The following FAM78B variants were observed in gnomAD, a reference collection of about 807,000 sequenced individuals.
The protein encoded by FAM78B is family with sequence similarity 78 member B.
FAM78B carries 10 observed loss-of-function variants against 20.0 expected under a neutral mutation model. That is an observed-to-expected ratio of 0.50 (90% CI 0.31 to 0.85). The LOEUF (loss-of-function observed/expected upper bound fraction) is 0.85, where lower values mean the gene tolerates loss of function less well. Among genes scored for constraint, FAM78B ranks in the 40% least tolerant of loss-of-function variants. The pLI, the probability that FAM78B is intolerant of heterozygous loss-of-function variation, is 0.05. For synonymous variants in FAM78B, 135 were observed against 132.8 expected (o/e 1.02, Z -0.12); for missense variants, 283 against 345.0 (o/e 0.82, Z 1.42).
At chr1:166,157,262 C>T (rs528915253) in intron 1 of FAM78B, among the ~76,000 whole-genome samples, 2 of 152,092 alleles carry the variant, frequency 1.3e-5, no homozygotes, top group South Asian at 4.2e-4. Flanking sequence ...AAGGCTGATC[C>T]ACAGTCATCC....
chr1:166,149,137 T>C (rs1005867994), intron 1 of FAM78B, among the ~76,000 whole-genome samples: 3 of 152,196 alleles, frequency 2.0e-5, no homozygotes, highest in Non-Finnish European at 2.9e-5. Flanking sequence ...CAGCATGATT[T>C]ATAGTCCTTT....
intron 1 of FAM78B, among the ~76,000 whole-genome samples, chr1:166,115,944 G>A (rs1654237260): frequency 6.6e-6 from 1 of 152,228 alleles, no homozygotes; most frequent in African/African-American, 2.4e-5. Flanking sequence ...TTTCAAGACT[G>A]TAATGTTCTA....
chr1:166,118,435 C>T (rs1456274606), intron 1 of FAM78B, among the ~76,000 whole-genome samples: 2 of 152,122 alleles, frequency 1.3e-5, no homozygotes, highest in Admixed American at 6.5e-5. Flanking sequence ...TAATTTCACA[C>T]ACTAATAGGT....
intron 1 of FAM78B, among the ~76,000 whole-genome samples, chr1:166,165,348 C>T (rs1656322744): frequency 6.6e-6 from 1 of 152,220 alleles, no homozygotes; most frequent in South Asian, 2.1e-4. Flanking sequence ...TCGGTGCCTT[C>T]CAGCTCCCCA....
intron 1 of FAM78B, among the ~76,000 whole-genome samples, chr1:166,096,356 C>T (rs953345102): frequency 1.3e-5 from 2 of 152,116 alleles, no homozygotes; most frequent in Non-Finnish European, 2.9e-5. Context: ...GCTTGGGCTG[C>T]TTACATCTGT....
At chr1:166,109,311 A>G (rs1037756397) in intron 1 of FAM78B, among the ~76,000 whole-genome samples, 3 of 152,200 alleles carry the variant, frequency 2.0e-5, no homozygotes, top group African/African-American at 7.2e-5. Flanking sequence ...CAAATCAGTA[A>G]GAAAAAAACA....
At chr1:166,115,538 C>T (rs1030630222) in intron 1 of FAM78B, among the ~76,000 whole-genome samples, 2 of 152,120 alleles carry the variant, frequency 1.3e-5, no homozygotes, top group East Asian at 1.9e-4. Context: ...CTGAGAGGAC[C>T]CTGGGTACTT....
At chr1:166,143,810 C>T (rs1437485197) in intron 1 of FAM78B, among the ~76,000 whole-genome samples, 2 of 152,148 alleles carry the variant, frequency 1.3e-5, no homozygotes, top group Admixed American at 6.5e-5. Flanking sequence ...ACTGACAATA[C>T]ATTGAGCCCT....
chr1:166,086,156 G>A (rs2101730247), intron 1 of FAM78B, among the ~76,000 whole-genome samples: 1 of 151,128 alleles, frequency 6.6e-6, no homozygotes, highest in Non-Finnish European at 1.5e-5. Flanking sequence ...AAGTGGCAGA[G>A]ATGGGACAAA....
At chr1:166,109,251 C>T (rs1429480228) in intron 1 of FAM78B, among the ~76,000 whole-genome samples, 1 of 152,034 alleles carries the variant, frequency 6.6e-6, no homozygotes, top group East Asian at 1.9e-4. Flanking sequence ...ATCTTTACCA[C>T]CTATACATCT....
At chr1:166,112,638 T>G (rs895283352) in intron 1 of FAM78B, among the ~76,000 whole-genome samples, 3 of 152,204 alleles carry the variant, frequency 2.0e-5, no homozygotes, top group South Asian at 2.1e-4. Context: ...GGCTAGAATA[T>G]GCTGGTGCTC....
downstream of FAM78B, among the ~76,000 whole-genome samples, chr1:166,068,993 G>A (rs1427598194): frequency 6.6e-6 from 1 of 152,168 alleles, no homozygotes; most frequent in African/African-American, 2.4e-5. Flanking sequence ...TAGCAATACA[G>A]GCTTGCTTAA....
intron 1 of FAM78B, among the ~76,000 whole-genome samples, chr1:166,078,492 C>T (rs1204057156): frequency 6.6e-6 from 1 of 152,208 alleles, no homozygotes; most frequent in African/African-American, 2.4e-5. Context: ...TGGCAACGTT[C>T]ATGCTTTCTG....
At chr1:166,102,186 C>A (rs1033472836) in intron 1 of FAM78B, among the ~76,000 whole-genome samples, 7 of 152,140 alleles carry the variant, frequency 4.6e-5, no homozygotes, top group East Asian at 1.9e-4. Context: ...ACCAGGCCTG[C>A]CCTAAAAGAG....
intron 1 of FAM78B, among the ~76,000 whole-genome samples, chr1:166,163,397 A>G (rs113390821): frequency 2.3e-3 from 343 of 152,366 alleles, no homozygotes; most frequent in African/African-American, 7.7e-3. Context: ...GGAAAAGTTT[A>G]CAATTTAAAC....
chr1:166,108,269 T>C (rs1342135446), intron 1 of FAM78B, among the ~76,000 whole-genome samples: 1 of 152,186 alleles, frequency 6.6e-6, no homozygotes, highest in African/African-American at 2.4e-5. Context: ...AGAAAGCTCC[T>C]AGAACTGATA....
At chr1:166,083,735 C>G (rs1652675519) in intron 1 of FAM78B, among the ~76,000 whole-genome samples, 1 of 149,876 alleles carries the variant, frequency 6.7e-6, no homozygotes, top group Admixed American at 6.7e-5. Flanking sequence ...ATCTCTTGAC[C>G]TCATGATCCG....
chr1:166,164,008 T>C (rs1180148486), intron 1 of FAM78B, among the ~76,000 whole-genome samples: 1 of 152,218 alleles, frequency 6.6e-6, no homozygotes, highest in African/African-American at 2.4e-5. Flanking sequence ...TTGGTTCCAG[T>C]GAGGACATAC....
At chr1:166,081,231 C>T (rs1652560127) in intron 1 of FAM78B, 1 of 152,170 alleles carries the variant, frequency 6.6e-6, no homozygotes, top group Non-Finnish European at 1.5e-5. Flanking sequence ...ATGTTTGTTA[C>T]CACTCTTGCG....
Sources: allele counts gnomAD v4.1 joint callset (sites outside exome capture counted in the v4.1 genomes callset), GRCh38; gene constraint gnomAD v4.1.1; transcripts MANE v1.5; gene names NCBI Gene and HGNC (gene_info 2026-07-23, HGNC 2026-07-21).